BMERB1: variants seen among roughly 807,000 people sequenced by gnomAD.
The protein encoded by BMERB1 is bMERB domain containing 1.
Under a neutral mutation model 23.6 loss-of-function variants are expected in BMERB1, and 12 were observed. The observed-to-expected ratio is 0.51, with a 90% CI of 0.33 to 0.82. The LOEUF is 0.82. BMERB1 is among the 40% of genes least tolerant of loss of function. BMERB1 has a pLI of 0.03. For synonymous variants in BMERB1, 122 were observed against 96.6 expected (o/e 1.26, Z -1.54); for missense variants, 247 against 255.4 (o/e 0.97, Z 0.22).
At chr16:15,475,397 C>A (rs545522282) in intron 1 of BMERB1, among the ~76,000 whole-genome samples, 2 of 152,304 alleles carry the variant, frequency 1.3e-5, no homozygotes, top group South Asian at 4.1e-4. Context: ...CCTCAACTTT[C>A]ATGCTTTGCT....
intron 3 of BMERB1, among the ~76,000 whole-genome samples, chr16:15,568,667 TATC>T (rs1410029204): frequency 6.6e-6 from 1 of 152,078 alleles, no homozygotes; most frequent in African/African-American, 2.4e-5. Context: ...TTAAATTAAA[TATC>T]ATAAAAATCG....
At chr16:15,502,310 G>A (rs1190667375) in intron 1 of BMERB1, 11 of 1,551,302 alleles carry the variant, frequency 7.1e-6, no homozygotes, top group South Asian at 4.8e-5. Context: ...TTCCTCAGCC[G>A]CAAATTCTTC....
chr16:15,502,579 T>C (rs562629773), intron 1 of BMERB1, among the ~76,000 whole-genome samples: 15 of 152,212 alleles, frequency 9.9e-5, no homozygotes, highest in African/African-American at 3.6e-4. Flanking sequence ...AATAGGATGC[T>C]TGGGGGTTGG....
At chr16:15,506,632 G>A (rs2051595023) in intron 1 of BMERB1, among the ~76,000 whole-genome samples, 1 of 151,614 alleles carries the variant, frequency 6.6e-6, no homozygotes, top group African/African-American at 2.4e-5. Flanking sequence ...CATCACGATT[G>A]CCTAACCAAC....
At chr16:15,527,488 C>G (rs549223739) in intron 2 of BMERB1, among the ~76,000 whole-genome samples, 1 of 152,200 alleles carries the variant, frequency 6.6e-6, no homozygotes, top group South Asian at 2.1e-4. Context: ...ACCTGTAGTC[C>G]CAGCTACTCA....
At chr16:15,517,370 G>C (rs150897480) in intron 2 of BMERB1, among the ~76,000 whole-genome samples, 1 of 152,148 alleles carries the variant, frequency 6.6e-6, no homozygotes, top group Admixed American at 6.5e-5. Flanking sequence ...ATTTAGCCAC[G>C]TGTGGTGGCG....
intron 2 of BMERB1, chr16:15,537,016 T>A (rs1263952038): frequency 6.6e-6 from 1 of 152,176 alleles, no homozygotes. Flanking sequence ...TAGCCTAGGA[T>A]CGTGATCAGA....
At chr16:15,517,896 G>T (rs1025470856) in intron 2 of BMERB1, among the ~76,000 whole-genome samples, 101 of 130,974 alleles carry the variant, frequency 7.7e-4, no homozygotes, top group Admixed American at 1.4e-3. Context: ...TGTGTGTGTG[G>T]ATCTGTGTGT....
At chr16:15,535,491 C>CA (rs997346871) in intron 2 of BMERB1, among the ~76,000 whole-genome samples, 7 of 150,458 alleles carry the variant, frequency 4.7e-5, no homozygotes, top group Middle Eastern at 3.4e-3. Context: ...ACTAAAAATA[C>CA]AAAAAAAAAT....
intron 1 of BMERB1, among the ~76,000 whole-genome samples, chr16:15,440,549 TTTA>T (rs139393966): frequency 0.015 from 2,223 of 152,308 alleles, 23 homozygotes; most frequent in Non-Finnish European, 0.023. Flanking sequence ...ATATGCTCAT[TTTA>T]TTATTTTATT....
At chr16:15,463,883 A>AAG (rs2051158521) in intron 1 of BMERB1, among the ~76,000 whole-genome samples, 1 of 152,000 alleles carries the variant, frequency 6.6e-6, no homozygotes, top group Admixed American at 6.6e-5. Context: ...TTTAAAAAAA[A>AAG]AAAAAAAACT....
At chr16:15,499,738 GGTT>G (rs2051509467) in intron 1 of BMERB1, among the ~76,000 whole-genome samples, 1 of 152,288 alleles carries the variant, frequency 6.6e-6, no homozygotes, top group Middle Eastern at 3.4e-3. Flanking sequence ...TCATCATTCA[GGTT>G]GTTCAGAGCA....
chr16:15,502,622 A>T (rs2150943827), intron 1 of BMERB1, among the ~76,000 whole-genome samples: 1 of 152,292 alleles, frequency 6.6e-6, no homozygotes, highest in Middle Eastern at 3.4e-3. Flanking sequence ...ATGATTGATG[A>T]CAACGAAGTC....
At chr16:15,572,791 T>C (rs2030761371) in intron 3 of BMERB1, among the ~76,000 whole-genome samples, 1 of 152,044 alleles carries the variant, frequency 6.6e-6, no homozygotes, top group Non-Finnish European at 1.5e-5. Flanking sequence ...ATAATCCCCG[T>C]GTGTTGTGGG....
intron 1 of BMERB1, among the ~76,000 whole-genome samples, chr16:15,472,911 G>C (rs887315984): frequency 6.9e-6 from 1 of 145,722 alleles, no homozygotes; most frequent in Non-Finnish European, 1.5e-5. Context: ...AGGCTGGAGT[G>C]CAGTGGCATG....
intron 1 of BMERB1, among the ~76,000 whole-genome samples, chr16:15,447,758 T>C (rs1281097444): frequency 6.6e-6 from 1 of 152,104 alleles, no homozygotes; most frequent in Admixed American, 6.6e-5. Context: ...GTGCATGAGC[T>C]TCGCTGCATT....
At position 15,577,607 on chromosome 16, in the gene BMERB1, G is replaced by A. The variant is rs574945153; in HGVS notation, c.305-3610G>A. On this transcript the variant is annotated intron_variant, in intron 3 of 5. Coordinates refer to ENST00000300006, the MANE Select transcript of BMERB1 (RefSeq NM_033201.3). ...GTGATTTGAGAGATCCAAGTGCACCGCTTGACCTTTGATTTGGGGTTTTAT... is the reference window on the plus strand; with the variant it reads ...GTGATTTGAGAGATCCAAGTGCACCACTTGACCTTTGATTTGGGGTTTTAT... Among the ~76,000 whole-genome samples, 10 of 152,350 alleles carry A rather than the reference G, an allele frequency of 6.6e-5. No individual in the cohort carries two copies. In the South Asian group the frequency reaches 1.4e-3, roughly 22 times the overall value.
At chr16:15,575,225 T>G (rs966913449) in intron 3 of BMERB1, among the ~76,000 whole-genome samples, 5 of 152,224 alleles carry the variant, frequency 3.3e-5, no homozygotes, top group Non-Finnish European at 5.9e-5. Flanking sequence ...TTAGTCTTCC[T>G]TTATCTGACG....
At chr16:15,501,407 C>T (rs968919919) in intron 1 of BMERB1, among the ~76,000 whole-genome samples, 2 of 151,242 alleles carry the variant, frequency 1.3e-5, no homozygotes, top group African/African-American at 4.9e-5. Flanking sequence ...ATTCTCCTGC[C>T]TCAACCTTCT....
Sources: allele counts gnomAD v4.1 joint callset (sites outside exome capture counted in the v4.1 genomes callset), GRCh38; gene constraint gnomAD v4.1.1; transcripts MANE v1.5; gene names NCBI Gene and HGNC (gene_info 2026-07-23, HGNC 2026-07-21).